Variants in PKNOX2 observed in about 807,000 individuals in gnomAD.
PKNOX2 encodes homeobox protein PKNOX2.
Under a neutral mutation model 53.1 loss-of-function variants are expected in PKNOX2, and 14 were observed. The ratio of observed to expected loss-of-function variants is 0.26; its 90% CI spans 0.17 to 0.41. PKNOX2 has a LOEUF of 0.41. Among genes scored for constraint, PKNOX2 ranks in the 10% least tolerant of loss-of-function variants. The pLI is 1.00. For missense variants in PKNOX2, 496 were observed against 602.8 expected, an observed-to-expected ratio of 0.82 and a Z score of 1.85; for synonymous variants, 257 against 242.8, an observed-to-expected ratio of 1.06 and a Z score of -0.54.
chr11:125,396,807 G>A (rs75015815), intron 6 of PKNOX2, among the ~76,000 whole-genome samples: 1,775 of 152,306 alleles, frequency 0.012, 40 homozygotes, highest in African/African-American at 0.04. Flanking sequence ...AGATAACATG[G>A]TGAGCAAATT....
chr11:125,221,166 A>C lies in PKNOX2; in HGVS notation c.-200-13879A>C, dbSNP rs190199644. Among the ~76,000 whole-genome samples the C allele has an allele frequency of 9.2e-3, 1,392 of 152,098 alleles. 28 individuals are homozygous for C. The highest frequency in any genetic ancestry group is 0.032 in the African/African-American group (1,321 of 41,444). On this transcript the variant is annotated intron_variant, in intron 1 of 12. Transcript: ENST00000298282. ...TGAGACTCTGTCTAAAAAAAAACAA[A>C]ACAAAAATTGTCACCATCTAATTGG... is the stretch of plus-strand genomic sequence containing the variant.
chr11:125,371,791 G>T (rs1343820738), intron 5 of PKNOX2, among the ~76,000 whole-genome samples: 1 of 152,194 alleles, frequency 6.6e-6, no homozygotes, highest in Non-Finnish European at 1.5e-5. Context: ...AGCTGGGCTG[G>T]AGGCATGAGC....
At chr11:125,301,356 C>T (rs1028693624) in intron 2 of PKNOX2, among the ~76,000 whole-genome samples, 1 of 151,990 alleles carries the variant, frequency 6.6e-6, no homozygotes, top group Non-Finnish European at 1.5e-5. Context: ...TAGGACTCTA[C>T]CCAAAGACTC....
At chr11:125,217,234 C>T (rs1222902276) in intron 1 of PKNOX2, among the ~76,000 whole-genome samples, 1 of 152,136 alleles carries the variant, frequency 6.6e-6, no homozygotes, top group East Asian at 1.9e-4. Context: ...CCTCCTTTCC[C>T]ACTCCTGGAT....
At chr11:125,200,849 C>T (rs964511320) in intron 1 of PKNOX2, among the ~76,000 whole-genome samples, 63 of 152,314 alleles carry the variant, frequency 4.1e-4, no homozygotes, top group African/African-American at 1.4e-3. Flanking sequence ...CCAGGCAGGG[C>T]CCTTGTTTCC....
chr11:125,198,367 A>C (rs1384223667), intron 1 of PKNOX2, among the ~76,000 whole-genome samples: 1 of 152,186 alleles, frequency 6.6e-6, no homozygotes, highest in East Asian at 1.9e-4. Flanking sequence ...GGGCGATACG[A>C]CACCACACCC....
intron 2 of PKNOX2, among the ~76,000 whole-genome samples, chr11:125,320,435 G>A (rs1949456170): frequency 6.6e-6 from 1 of 152,100 alleles, no homozygotes. Context: ...TGAATGGGCT[G>A]GGCTTGGAGG....
intron 4 of PKNOX2, among the ~76,000 whole-genome samples, chr11:125,364,457 C>G (rs528006611): frequency 1.3e-5 from 2 of 152,302 alleles, no homozygotes; most frequent in East Asian, 3.9e-4. Flanking sequence ...GCCTTCCCCC[C>G]ACACCTTTCC....
intron 3 of PKNOX2, among the ~76,000 whole-genome samples, chr11:125,340,620 G>A (rs1404642697): frequency 6.6e-6 from 1 of 152,212 alleles, no homozygotes; most frequent in Admixed American, 6.5e-5. Flanking sequence ...GTAAGTGGCA[G>A]TTGTTATTAA....
At chr11:125,323,095 T>C (rs1949621290) in intron 2 of PKNOX2, among the ~76,000 whole-genome samples, 1 of 151,992 alleles carries the variant, frequency 6.6e-6, no homozygotes, top group Non-Finnish European at 1.5e-5. Context: ...CCCAGAGCAG[T>C]GACGTGCTGA....
chr11:125,206,363 G>C (rs1939108286), intron 1 of PKNOX2, among the ~76,000 whole-genome samples: 1 of 152,022 alleles, frequency 6.6e-6, no homozygotes, highest in African/African-American at 2.4e-5. Flanking sequence ...GGGGGTGTTA[G>C]GTAGAAAGAT....
At chr11:125,379,526 A>G (rs1953088290) in intron 5 of PKNOX2, among the ~76,000 whole-genome samples, 1 of 152,180 alleles carries the variant, frequency 6.6e-6, no homozygotes, top group South Asian at 2.1e-4. Context: ...AGCCCGATTT[A>G]TGTTAAGAAT....
chr11:125,394,933 C>G (rs372375148), intron 6 of PKNOX2, among the ~76,000 whole-genome samples: 1 of 151,820 alleles, frequency 6.6e-6, no homozygotes, highest in Non-Finnish European at 1.5e-5. Flanking sequence ...CAACTGTATT[C>G]AGATTTCACC....
chr11:125,291,872 GAGA>G (rs1947326460), intron 2 of PKNOX2, among the ~76,000 whole-genome samples: 1 of 152,202 alleles, frequency 6.6e-6, no homozygotes, highest in African/African-American at 2.4e-5. Context: ...CAAATTCATA[GAGA>G]AGAGAGTAGA....
intron 1 of PKNOX2, among the ~76,000 whole-genome samples, chr11:125,215,685 G>A (rs1026930602): frequency 1.3e-5 from 2 of 152,308 alleles, no homozygotes; most frequent in African/African-American, 4.8e-5. Context: ...CTGGGAGGCA[G>A]AGGTTGCAGT....
rs186695527 is a variant in PKNOX2 at position 125,370,595 on chromosome 11, G to A, written c.227+2610G>A. Among the ~76,000 whole-genome samples, 39 of 152,298 alleles carry A rather than the reference G, an allele frequency of 2.6e-4. No homozygotes were observed. The East Asian group carries it at 7.5e-3, about 29-fold the overall frequency. Reference sequence around the variant, plus strand: ...GGCTGCCCCAGCACCTCAGGACACCGAGCTGACAGCAGCACCATGCTGGCT... The same window carrying A: ...GGCTGCCCCAGCACCTCAGGACACCAAGCTGACAGCAGCACCATGCTGGCT... On this transcript the variant is annotated intron_variant, in intron 5 of 12. Transcript: ENST00000298282. The surrounding 1 kb of genome is among the most constrained non-coding windows in gnomAD (Gnocchi z 4.1).
In PKNOX2 at chr11:125,398,012, C is replaced by T; in HGVS notation, c.538C>T (p.Leu180=). 6.2e-7 allele frequency: 1 copy of T among 1,613,914 alleles called. No homozygotes were observed. Among genetic ancestry groups the T allele is most frequent in the Admixed American group, 1.7e-5 (1 of 60,002 alleles). ...CAGCGACAACCTGCTCAGGAATGATCTAGGGGGGCCCTACTCCCCCAACCA... is the reference window on the plus strand; with the variant it reads ...CAGCGACAACCTGCTCAGGAATGATTTAGGGGGGCCCTACTCCCCCAACCA... ...MHSDNLLRND[L]GGPYSPNQPS... The change falls in exon 7 of 13, where the codon CTA becomes TTA. Residue 180 remains leucine (L), a synonymous_variant. Coordinates refer to ENST00000298282, the MANE Select transcript of PKNOX2 (RefSeq NM_001382323.2).
chr11:125,260,180 A>G (rs1944734205), intron 2 of PKNOX2, among the ~76,000 whole-genome samples: 2 of 150,702 alleles, frequency 1.3e-5, no homozygotes, highest in Admixed American at 1.3e-4. Context: ...GCTTGGCCCA[A>G]TTTTTGTTTT....
intron 2 of PKNOX2, among the ~76,000 whole-genome samples, chr11:125,244,950 T>A (rs1215729257): frequency 2.6e-5 from 4 of 152,032 alleles, no homozygotes; most frequent in Non-Finnish European, 5.9e-5. Flanking sequence ...CCTGGTCTCA[T>A]GGGGGAGACT....
Sources: allele counts gnomAD v4.1 joint callset (sites outside exome capture counted in the v4.1 genomes callset), GRCh38; gene constraint gnomAD v4.1.1; non-coding constraint Gnocchi (gnomAD v3.1); transcripts MANE v1.5; gene names NCBI Gene and HGNC (gene_info 2026-07-23, HGNC 2026-07-21).